Variants in ZNF385D observed in about 807,000 individuals in gnomAD.
The protein encoded by ZNF385D is zinc finger protein 385D.
In ZNF385D, 15 loss-of-function variants were observed where a neutral mutation model predicts 35.8. That is an observed-to-expected ratio of 0.42 (90% CI 0.28 to 0.64). The LOEUF is 0.64. Among genes scored for constraint, ZNF385D ranks in the 30% least tolerant of loss-of-function variants. The pLI is 0.23. For synonymous variants in ZNF385D, 212 were observed against 186.8 expected (o/e 1.13, Z -1.10); for missense variants, 474 against 494.6 (o/e 0.96, Z 0.39).
chr3:21,473,297 G>A (rs1704019889), intron 4 of ZNF385D, among the ~76,000 whole-genome samples: 2 of 151,930 alleles, frequency 1.3e-5, no homozygotes. Flanking sequence ...AAAGGTTGGA[G>A]AGCTAAAAAC....
intron 3 of ZNF385D, among the ~76,000 whole-genome samples, chr3:22,104,498 G>A (rs1432147603): frequency 6.6e-6 from 1 of 151,968 alleles, no homozygotes; most frequent in Non-Finnish European, 1.5e-5. Flanking sequence ...AACTGTAAAT[G>A]TTTCATTCAG....
chr3:22,322,537 C>A (rs922366179), intron 2 of ZNF385D, among the ~76,000 whole-genome samples: 1 of 152,142 alleles, frequency 6.6e-6, no homozygotes, highest in Non-Finnish European at 1.5e-5. Flanking sequence ...ACCAGTCTAT[C>A]CCAATCTTTT....
intron 2 of ZNF385D, among the ~76,000 whole-genome samples, chr3:21,604,171 AATAAAG>A (rs1159086598): frequency 2.0e-5 from 3 of 152,186 alleles, no homozygotes; most frequent in East Asian, 3.9e-4. Context: ...AACGTAGCCT[AATAAAG>A]ATAATACCAA....
chr3:21,960,947 G>C (rs927044278), intron 3 of ZNF385D, among the ~76,000 whole-genome samples: 1 of 152,066 alleles, frequency 6.6e-6, no homozygotes, highest in Admixed American at 6.6e-5. Context: ...GGAAGATGTT[G>C]TTTAAAAGAT....
chr3:22,243,468 T>C (rs1438825346), intron 2 of ZNF385D, among the ~76,000 whole-genome samples: 4 of 151,036 alleles, frequency 2.6e-5, no homozygotes, highest in Non-Finnish European at 5.9e-5. Context: ...AAAATGTAAT[T>C]ATACCCTATA....
At chr3:21,972,317 A>G (rs1039144915) in intron 3 of ZNF385D, among the ~76,000 whole-genome samples, 19 of 152,006 alleles carry the variant, frequency 1.2e-4, no homozygotes, top group African/African-American at 4.3e-4. Flanking sequence ...AAATTAAACA[A>G]TATGGTCCTG....
At chr3:21,952,721 T>G (rs536094729) in intron 3 of ZNF385D, among the ~76,000 whole-genome samples, 5 of 152,114 alleles carry the variant, frequency 3.3e-5, no homozygotes, top group Admixed American at 1.3e-4. Flanking sequence ...GATTAATTTT[T>G]GGTGACTGGT....
intron 2 of ZNF385D, among the ~76,000 whole-genome samples, chr3:22,344,177 GGT>G (rs571896117): frequency 1.7e-3 from 243 of 140,560 alleles, no homozygotes; most frequent in Middle Eastern, 3.6e-3. Flanking sequence ...GGTGGGGTGG[GGT>G]GTGTGTGTGT....
At chr3:21,621,703 A>G (rs1299368237) in intron 2 of ZNF385D, among the ~76,000 whole-genome samples, 6 of 152,084 alleles carry the variant, frequency 3.9e-5, no homozygotes, top group Non-Finnish European at 7.4e-5. Flanking sequence ...GTAAAACAGG[A>G]AAGTTAAATT....
At position 22,182,667 on chromosome 3, in the gene ZNF385D, C is replaced by G. The variant is rs560435569; in HGVS notation, c.107-13632G>C. 4.6e-4 allele frequency among the ~76,000 whole-genome samples: 70 copies of G among 151,858 alleles called. 1 individual carries two copies. Among genetic ancestry groups the G allele is most frequent in the South Asian group, 1.0e-3 (5 of 4,798 alleles). On this transcript the variant is annotated intron_variant, in intron 2 of 5. Transcript: ENST00000494108. ...TAGTATTCATTTTTCACTATGGTAC[C>G]ATTTAACATATTTTTCTATTATCCA...
At chr3:21,921,964 G>A (rs1482289167) in intron 3 of ZNF385D, among the ~76,000 whole-genome samples, 2 of 152,006 alleles carry the variant, frequency 1.3e-5, no homozygotes, top group African/African-American at 2.4e-5. Flanking sequence ...TCAAAAAATT[G>A]AGGAGGAAGC....
chr3:21,475,641 A>G (rs149267726), intron 4 of ZNF385D, among the ~76,000 whole-genome samples: 272 of 152,226 alleles, frequency 1.8e-3, no homozygotes, highest in African/African-American at 6.3e-3. Context: ...ATTTTTTAAT[A>G]TGAGCCAAAG....
chr3:21,518,352 G>A (rs1440789090), intron 3 of ZNF385D, among the ~76,000 whole-genome samples: 2 of 152,050 alleles, frequency 1.3e-5, no homozygotes, highest in South Asian at 2.1e-4. Flanking sequence ...CATTACATAT[G>A]AGTGCTTTCC....
chr3:22,249,895 A>G (rs1699980341), intron 2 of ZNF385D, among the ~76,000 whole-genome samples: 1 of 152,194 alleles, frequency 6.6e-6, no homozygotes, highest in African/African-American at 2.4e-5. Flanking sequence ...CCTCTCCATC[A>G]CATGAGCTAC....
chr3:22,338,769 C>T (rs956456036), intron 2 of ZNF385D, among the ~76,000 whole-genome samples: 5 of 143,684 alleles, frequency 3.5e-5, no homozygotes, highest in Non-Finnish European at 7.4e-5. Context: ...GGCGCGATCT[C>T]GGCTCACTGT....
At position 22,371,234 on chromosome 3, in the gene ZNF385D, G is replaced by A. The variant is rs187751668; in HGVS notation, c.106+1216C>T. ...AGAGGGAGGAAGACCTTTCCAGTAG[G>A]TTTTAGAAAACATCGTGAACCGGAA... On this transcript the variant is annotated intron_variant, in intron 2 of 5. Coordinates refer to the ZNF385D transcript ENST00000494108. Among the ~76,000 whole-genome samples, 183 of 152,260 alleles carry A rather than the reference G, an allele frequency of 1.2e-3. 1 individual carries two copies. The highest frequency in any genetic ancestry group is 4.1e-3 in the African/African-American group (172 of 41,556).
chr3:22,194,268 T>C (rs1490189282), intron 2 of ZNF385D, among the ~76,000 whole-genome samples: 1 of 151,846 alleles, frequency 6.6e-6, no homozygotes, highest in Non-Finnish European at 1.5e-5. Flanking sequence ...TATACATCGG[T>C]GCTATTTTAT....
chr3:21,441,040 G>A (rs1300629069), intron 4 of ZNF385D, among the ~76,000 whole-genome samples: 2 of 152,064 alleles, frequency 1.3e-5, no homozygotes, highest in Admixed American at 6.6e-5. Context: ...TTTGTGCTAA[G>A]TTCTGTCCCA....
chr3:21,420,030 A>G lies in ZNF385D; in HGVS notation c.*1184T>C, dbSNP rs1470969422. 1.3e-5 allele frequency: 2 copies of G among 152,178 alleles called. No homozygotes were observed. The highest frequency in any genetic ancestry group is 6.5e-5 in the Admixed American group (1 of 15,282). 9.4% of individuals were successfully genotyped at this position (152,178 alleles called of 1,614,324 possible). On this transcript the variant is annotated 3_prime_UTR_variant, in exon 8 of 8. Coordinates refer to ENST00000281523, the MANE Select transcript of ZNF385D (RefSeq NM_024697.3). ...TTTAACACTATGTCATTGGTGTGCA[A>G]TTAACTCAGATTCATATTTCCTGTT...
Sources: allele counts gnomAD v4.1 joint callset (sites outside exome capture counted in the v4.1 genomes callset), GRCh38; gene constraint gnomAD v4.1.1; transcripts MANE v1.5; gene names NCBI Gene and HGNC (gene_info 2026-07-23, HGNC 2026-07-21).